Variants in EVI5 observed in about 807,000 individuals in gnomAD.
EVI5 encodes ecotropic viral integration site 5, also known as ecotropic viral integration site 5 protein homolog.
Under a neutral mutation model 112.0 loss-of-function variants are expected in EVI5, and 73 were observed. The ratio of observed to expected loss-of-function variants is 0.65; its 90% CI spans 0.54 to 0.79. The LOEUF is 0.79. Among genes scored for constraint, EVI5 ranks in the 30% least tolerant of loss-of-function variants. The probability of loss-of-function intolerance (pLI) is 0.00; values close to 1 mark genes in which losing one functional copy is unlikely to be tolerated. For synonymous variants in EVI5, 305 were observed against 319.9 expected, an observed-to-expected ratio of 0.95 and a Z score of 0.50; for missense variants, 900 against 968.8, an observed-to-expected ratio of 0.93 and a Z score of 0.94.
In EVI5 at chr1:92,677,141, A is replaced by G. The variant is rs778012931; in HGVS notation, c.1158+17T>C. The stretch of plus-strand genomic sequence containing the variant: ...ATTTCAATCAATCAGTACTTTAAAA[A>G]GCCCCCAACTGCTTACTTTAATTTC... On this transcript the variant is annotated intron_variant, in intron 10 of 19. Coordinates refer to ENST00000684568, the MANE Select transcript of EVI5 (RefSeq NM_001350197.2). 2.6e-6 allele frequency: 4 copies of G among 1,526,094 alleles called. No individual in the cohort carries two copies. The highest frequency in any genetic ancestry group is 3.6e-6 in the Non-Finnish European group (4 of 1,110,190). 94.5% of individuals were successfully genotyped at this position (1,526,094 alleles called of 1,614,324 possible). A position where few individuals can be genotyped will look rare whatever the true frequency, so the allele number is the denominator to read the frequency against.
At chr1:92,661,131 T>G (rs1663932426) in intron 13 of EVI5, among the ~76,000 whole-genome samples, 1 of 151,994 alleles carries the variant, frequency 6.6e-6, no homozygotes, top group Non-Finnish European at 1.5e-5. Flanking sequence ...ATCATATAAA[T>G]TGCCACTATT....
chr1:92,613,320 C>T (rs186800574), intron 16 of EVI5, among the ~76,000 whole-genome samples: 1 of 152,206 alleles, frequency 6.6e-6, no homozygotes, highest in Admixed American at 6.5e-5. Context: ...TTCTTTGAGA[C>T]AGAGTTTCAC....
chr1:92,594,848 A>C (rs1647280488), intron 18 of EVI5, among the ~76,000 whole-genome samples: 1 of 151,774 alleles, frequency 6.6e-6, no homozygotes, highest in Non-Finnish European at 1.5e-5. Context: ...AGAGAAATGC[A>C]AATCAAAACC....
At position 92,550,613 on chromosome 1, in the gene EVI5, G is replaced by C. The variant is rs1666637199; in HGVS notation, c.2166+13029C>G. On this transcript the variant is annotated intron_variant, in intron 19 of 19. Coordinates refer to ENST00000684568, the MANE Select transcript of EVI5 (RefSeq NM_001350197.2). ...ACACAAAAAATTAGCCAGGCATAGTGGTGGGCGCCTGTAGTCCCAGCTACT... is the reference window on the plus strand; with the variant it reads ...ACACAAAAAATTAGCCAGGCATAGTCGTGGGCGCCTGTAGTCCCAGCTACT... Among the ~76,000 whole-genome samples, 2 of 148,548 alleles carry C rather than the reference G, an allele frequency of 1.3e-5. 1 individual carries two copies. Among genetic ancestry groups the C allele is most frequent in the South Asian group, 4.3e-4 (2 of 4,700 alleles).
At chr1:92,537,341 G>GC (rs1664068378) in intron 19 of EVI5, among the ~76,000 whole-genome samples, 1 of 40,450 alleles carries the variant, frequency 2.5e-5, no homozygotes, top group Admixed American at 2.8e-4. Flanking sequence ...AAGAGCTATA[G>GC]CTTTTTGAGC....
At chr1:92,569,581 C>A (rs184104823) in intron 18 of EVI5, among the ~76,000 whole-genome samples, 1 of 152,012 alleles carries the variant, frequency 6.6e-6, no homozygotes, top group Admixed American at 6.6e-5. Context: ...TTGGGCCAGG[C>A]GCGGTGGCTC....
At chr1:92,516,378 T>C (rs945779675) in intron 19 of EVI5, among the ~76,000 whole-genome samples, 1 of 152,026 alleles carries the variant, frequency 6.6e-6, no homozygotes, top group Non-Finnish European at 1.5e-5. Flanking sequence ...TTATAGAAAA[T>C]TAACTATAGG....
intron 1 of EVI5, among the ~76,000 whole-genome samples, chr1:92,759,958 A>T (rs1681567550): frequency 6.6e-6 from 1 of 150,750 alleles, no homozygotes; most frequent in Non-Finnish European, 1.5e-5. Flanking sequence ...TGCTATAAAC[A>T]TGAGCATACA....
intron 16 of EVI5, among the ~76,000 whole-genome samples, chr1:92,611,129 A>C (rs929677045): frequency 3.7e-5 from 5 of 135,410 alleles, no homozygotes; most frequent in Non-Finnish European, 4.9e-5. Context: ...AAATCCCCCC[A>C]AAAAAAAGAA....
chr1:92,557,496 G>T (rs1667859212), intron 19 of EVI5, among the ~76,000 whole-genome samples: 1 of 151,478 alleles, frequency 6.6e-6, no homozygotes, highest in Non-Finnish European at 1.5e-5. Flanking sequence ...ACGGGGTTTA[G>T]CCATGTTGGC....
At chr1:92,617,806 G>C (rs1406147613) in intron 16 of EVI5, among the ~76,000 whole-genome samples, 3 of 152,204 alleles carry the variant, frequency 2.0e-5, no homozygotes, top group Non-Finnish European at 4.4e-5. Context: ...CACTGGAATA[G>C]ACACTTACTC....
At chr1:92,581,310 T>C (rs1467864950) in intron 18 of EVI5, among the ~76,000 whole-genome samples, 1 of 152,244 alleles carries the variant, frequency 6.6e-6, no homozygotes, top group Non-Finnish European at 1.5e-5. Context: ...GTTGGGGGAA[T>C]ATATCACAAA....
chr1:92,543,021 A>G (rs1665080406), intron 19 of EVI5, among the ~76,000 whole-genome samples: 1 of 152,198 alleles, frequency 6.6e-6, no homozygotes, highest in African/African-American at 2.4e-5. Flanking sequence ...TCAGAATGGT[A>G]AATGTGCACT....
At chr1:92,775,901 G>A (rs571648548) in intron 1 of EVI5, among the ~76,000 whole-genome samples, 2 of 152,300 alleles carry the variant, frequency 1.3e-5, no homozygotes, top group Admixed American at 6.5e-5. Flanking sequence ...GAGGTCAGGA[G>A]ATCAAGACCA....
intron 1 of EVI5, among the ~76,000 whole-genome samples, chr1:92,740,496 T>C (rs1199514437): frequency 6.6e-6 from 1 of 152,136 alleles, no homozygotes; most frequent in Non-Finnish European, 1.5e-5. Context: ...CTTACACTCT[T>C]TGATTCTCAC....
chr1:92,772,799 G>A (rs1006285859), intron 1 of EVI5, among the ~76,000 whole-genome samples: 2 of 151,722 alleles, frequency 1.3e-5, no homozygotes, highest in African/African-American at 2.4e-5. Flanking sequence ...CCAGCTACTC[G>A]GGAGGCTGAG....
chr1:92,727,002 A>T (rs948617688), intron 2 of EVI5, among the ~76,000 whole-genome samples: 1 of 152,200 alleles, frequency 6.6e-6, no homozygotes, highest in Non-Finnish European at 1.5e-5. Context: ...AGGAAACAAT[A>T]TAAGACAAGT....
At chr1:92,732,667 G>A (rs1003825118) in intron 2 of EVI5, 2 of 155,258 alleles carry the variant, frequency 1.3e-5, no homozygotes, top group Admixed American at 6.5e-5. Context: ...TTGGGAGGCT[G>A]AGGAGGGCGG....
At chr1:92,561,247 T>C (rs1668477385) in intron 19 of EVI5, among the ~76,000 whole-genome samples, 1 of 152,106 alleles carries the variant, frequency 6.6e-6, no homozygotes, top group African/African-American at 2.4e-5. Context: ...TCTCCCAAAA[T>C]TGTAGTTTAT....
Sources: gnomAD v4.1 joint callset for allele counts (sites outside exome capture counted in the v4.1 genomes callset) on GRCh38, gnomAD v4.1.1 for gene constraint, MANE v1.5 for transcripts, NCBI Gene and HGNC (gene_info 2026-07-23, HGNC 2026-07-21) for gene names.